Variants in PKD1L1 observed in about 807,000 individuals in gnomAD.
The protein encoded by PKD1L1 is polycystin 1 like 1, transient receptor potential channel interacting.
A neutral mutation model predicts 323.4 loss-of-function variants in PKD1L1; 236 were observed. That is an observed-to-expected ratio of 0.73 (90% confidence interval 0.66 to 0.81). PKD1L1 has a LOEUF of 0.81. PKD1L1 is among the 40% of genes least tolerant of loss of function. The pLI is 0.00. For missense variants in PKD1L1, 3,320 were observed against 3,508.0 expected (o/e 0.95, Z 1.35); for synonymous variants, 1,344 against 1,335.0 (o/e 1.01, Z -0.15).
chr7:47,948,303 C>A, intron 1 of PKD1L1, 94 bp downstream of exon 1: 1 of 1,444,490 alleles, frequency 6.9e-7, no homozygotes. Context: ...AGAGTGAGCC[C>A]ACATCCTAGA....
chr7:47,865,148 A>C, intron 26 of PKD1L1, 68 bp downstream of exon 26: 2 of 1,176,006 alleles, frequency 1.7e-6, no homozygotes, highest in Non-Finnish European at 2.5e-6. Context: ...TGTATTTTTC[A>C]AGAACTGATC....
At chr7:47,919,816 T>A (rs1787499146) in intron 7 of PKD1L1, among the ~76,000 whole-genome samples, 1 of 152,042 alleles carries the variant, frequency 6.6e-6, no homozygotes, top group Non-Finnish European at 1.5e-5. Context: ...AAATCCAGCA[T>A]CCCTTTATGA....
Position 47,946,531 on chromosome 7 carries a change from A to C in PKD1L1, c.44+1866T>G, listed in dbSNP as rs953581204. Among the ~76,000 whole-genome samples the C allele has an allele frequency of 3.3e-5, 5 of 150,980 alleles. No individual in the cohort carries two copies. Among genetic ancestry groups the C allele is most frequent in the Non-Finnish European group, 7.4e-5 (5 of 67,710 alleles). ...CCATACACACAAACACCACACACAC[A>C]CCAACACATTACACACACATCACAC... is the stretch of plus-strand genomic sequence containing the variant. On this transcript the variant is annotated intron_variant, in intron 1 of 56. Coordinates refer to ENST00000289672, the MANE Select transcript of PKD1L1 (RefSeq NM_138295.5). This position sits in a 1 kb window ranked among gnomAD's most constrained non-coding sequence, Gnocchi z 4.1.
intron 50 of PKD1L1, among the ~76,000 whole-genome samples, chr7:47,810,308 G>A (rs1784867733): frequency 6.6e-6 from 1 of 152,194 alleles, no homozygotes; most frequent in Admixed American, 6.5e-5. Context: ...ATTGGAGCCT[G>A]AGGCAAAGAA....
At chr7:47,936,575 G>C (rs1487237302) in intron 4 of PKD1L1, among the ~76,000 whole-genome samples, 1 of 152,166 alleles carries the variant, frequency 6.6e-6, no homozygotes, top group African/African-American at 2.4e-5. Flanking sequence ...TTCCTTCCCA[G>C]ATTTCAAAAT....
At chr7:47,872,199 T>A (rs1448527375) in intron 24 of PKD1L1, among the ~76,000 whole-genome samples, 1 of 152,206 alleles carries the variant, frequency 6.6e-6, no homozygotes, top group Non-Finnish European at 1.5e-5. Flanking sequence ...GGAGCCCCAG[T>A]CTGCCCCAGC....
chr7:47,829,682 A>C, intron 43 of PKD1L1, 81 bp from the exon 44 acceptor site: 1 of 1,380,992 alleles, frequency 7.2e-7, no homozygotes, highest in East Asian at 2.3e-5. Context: ...CCGTCCCCTA[A>C]TCATGAACAG....
rs112065176 is a variant in PKD1L1 at position 47,793,019 on chromosome 7, G to A, written c.8356-222C>T. Among the ~76,000 whole-genome samples the A allele has an allele frequency of 1.9e-3, 280 of 146,652 alleles. 2 individuals are homozygous for A. Among genetic ancestry groups the A allele is most frequent in the African/African-American group, 6.6e-3 (267 of 40,412 alleles). ...ATAATGTACGTATACAGATATACAT[G>A]TAAATGCTACAGTTAATAATGCCTA... On this transcript the variant is annotated intron_variant, in intron 55 of 56. Coordinates refer to ENST00000289672, the MANE Select transcript of PKD1L1 (RefSeq NM_138295.5).
intron 7 of PKD1L1, among the ~76,000 whole-genome samples, chr7:47,918,208 C>T (rs1406831471): frequency 3.9e-5 from 6 of 152,074 alleles, no homozygotes; most frequent in Non-Finnish European, 7.4e-5. Context: ...ACAAAACAAA[C>T]TTTAAAGCAA....
At position 47,948,408 on chromosome 7, in the gene PKD1L1, A is replaced by G; in HGVS notation, c.33T>C (p.Asp11=). Reference sequence around the variant, plus strand: ...CAGTGATAACTCACCTTTCCTGGTCATCAGAAATGTTCTGGGCTGCCTCCT... The same window carrying G: ...CAGTGATAACTCACCTTTCCTGGTCGTCAGAAATGTTCTGGGCTGCCTCCT... MAEEAAQNIS[D]DQERCLQAAC... is the part of the protein sequence containing the mutation. The change falls in exon 1 of 57, where the codon GAT becomes GAC. Residue 11 remains aspartate (D), a synonymous_variant. Coordinates refer to ENST00000289672, the MANE Select transcript of PKD1L1 (RefSeq NM_138295.5). 6 of 1,614,150 alleles carry G rather than the reference A, an allele frequency of 3.7e-6. No homozygotes were observed. Among genetic ancestry groups the G allele is most frequent in the Non-Finnish European group, 5.1e-6 (6 of 1,180,036 alleles).
rs758236575 is a variant in PKD1L1 at position 47,827,397 on chromosome 7, G to A, written c.6807C>T (p.Gly2269=). The part of the protein sequence containing the change: ...AHPPSKAQLR[G]TRQRMRRESR... ...TCTCTCTCCTCATCCTCTGTCTGGT[G>A]CCCCTCAGCTGGGCCTTGGATGGTG... The change falls in exon 45 of 57, where the codon GGC becomes GGT. Residue 2269 remains glycine (G), a synonymous_variant. Coordinates refer to ENST00000289672, the MANE Select transcript of PKD1L1 (RefSeq NM_138295.5). 1.2e-6 allele frequency: 2 copies of A among 1,613,406 alleles called. No homozygotes were observed. Among genetic ancestry groups the A allele is most frequent in the Non-Finnish European group, 1.7e-6 (2 of 1,179,824 alleles).
chr7:47,806,316 G>A lies in PKD1L1; in HGVS notation c.7827+1931C>T, dbSNP rs375159648. On this transcript the variant is annotated intron_variant, in intron 52 of 56. Coordinates refer to ENST00000289672, the MANE Select transcript of PKD1L1 (RefSeq NM_138295.5). ...GACTAATCAGATGCTCTTGTAAGCT[G>A]TGCACTGAGAGACAGAAAGCTGGCC... is the stretch of plus-strand genomic sequence containing the variant. 1.3e-3 allele frequency among the ~76,000 whole-genome samples: 193 copies of A among 152,362 alleles called. 1 individual carries two copies. Among genetic ancestry groups the A allele is most frequent in the African/African-American group, 4.3e-3 (179 of 41,582 alleles).
Position 47,877,555 on chromosome 7 carries a change from C to G in PKD1L1, c.3597G>C (p.Gln1199His). ...CTTCCAGACCATGGTGGGGCTGCAC[C>G]TGACAGGCCATGTCCCGAGGAGCCG... ...VNPAPRDMAC[Q>H]VQPHHGLEAH... The change falls in exon 22 of 57, where the codon CAG becomes CAC. Residue 1199 changes from glutamine to histidine, a missense_variant. Transcript: ENST00000289672. 12 of 1,614,068 alleles carry G rather than the reference C, an allele frequency of 7.4e-6. No homozygotes were observed. Among genetic ancestry groups the G allele is most frequent in the Non-Finnish European group, 1.0e-5 (12 of 1,179,962 alleles).
chr7:47,890,635 T>C lies in PKD1L1; in HGVS notation c.2582A>G (p.Asp861Gly), dbSNP rs1360976602. 1.9e-6 allele frequency: 3 copies of C among 1,613,930 alleles called. No homozygotes were observed. Among genetic ancestry groups the C allele is most frequent in the Non-Finnish European group, 2.5e-6 (3 of 1,180,022 alleles). ...GACCCTCAGCATCACAAGGAACTGA[T>C]CATAGCTGTCACTGAGCCATTGTGC... Reference protein sequence around the residue: ...FEAQWLSDSYDQFLVMLRVSS... With the variant: ...FEAQWLSDSYGQFLVMLRVSS... The change falls in exon 16 of 57, where the codon GAT becomes GGT. Residue 861 changes from aspartate (D) to glycine (G), a missense_variant. Asp to Gly is a moderately conservative substitution (Grantham distance 94). Coordinates refer to ENST00000289672, the MANE Select transcript of PKD1L1 (RefSeq NM_138295.5).
intron 56 of PKD1L1, among the ~76,000 whole-genome samples, chr7:47,786,543 C>G (rs1330973480): frequency 1.3e-5 from 2 of 152,146 alleles, no homozygotes; most frequent in African/African-American, 4.8e-5. Context: ...AGGAATTACA[C>G]TGAAAAAAAT....
rs1786169096 is a variant in PKD1L1, at chr7:47,866,402, C to G, written c.4092+17G>C. ...AAAGGTTTACAGACACTAAACTCACCCTCCTCTGAGCCATACCTGATCTAC... is the reference window on the plus strand; with the variant it reads ...AAAGGTTTACAGACACTAAACTCACGCTCCTCTGAGCCATACCTGATCTAC... On this transcript the variant is annotated intron_variant, in intron 25 of 56. Coordinates refer to ENST00000289672, the MANE Select transcript of PKD1L1 (RefSeq NM_138295.5). 3 of 1,607,166 alleles carry G rather than the reference C, an allele frequency of 1.9e-6. No homozygotes were observed. Among genetic ancestry groups the G allele is most frequent in the Non-Finnish European group, 2.5e-6 (3 of 1,177,632 alleles).
intron 17 of PKD1L1, 146 bp downstream of exon 17, chr7:47,887,843 AG>A (rs1426500319): frequency 1.4e-6 from 1 of 727,914 alleles, no homozygotes; most frequent in Non-Finnish European, 2.2e-6. Context: ...TAGAGGCAAG[AG>A]GGGCTGGGGA....
intron 23 of PKD1L1, among the ~76,000 whole-genome samples, chr7:47,875,781 T>C (rs930307507): frequency 6.6e-6 from 1 of 152,240 alleles, no homozygotes; most frequent in East Asian, 1.9e-4. Flanking sequence ...TCACCAGATA[T>C]GACATATTTC....
At chr7:47,945,301 T>C (rs1427099980) in intron 1 of PKD1L1, among the ~76,000 whole-genome samples, 1 of 152,226 alleles carries the variant, frequency 6.6e-6, no homozygotes, top group African/African-American at 2.4e-5. Flanking sequence ...CTAGAGGATA[T>C]CTACTTTATC....
Sources: gnomAD v4.1 joint callset for allele counts (sites outside exome capture counted in the v4.1 genomes callset) on GRCh38, gnomAD v4.1.1 for gene constraint, Gnocchi (gnomAD v3.1) non-coding constraint, MANE v1.5 for transcripts, NCBI Gene and HGNC (gene_info 2026-07-23, HGNC 2026-07-21) for gene names.